UAP1: variants seen among roughly 807,000 people sequenced by gnomAD.
UAP1 encodes the protein UDP-N-acetylhexosamine pyrophosphorylase.
In UAP1, 25 loss-of-function variants were observed where a neutral mutation model predicts 58.5. That is an observed-to-expected ratio of 0.43 (90% CI 0.31 to 0.60). The LOEUF (loss-of-function observed/expected upper bound fraction) is 0.60, where lower values mean the gene tolerates loss of function less well. UAP1 is among the 20% of genes least tolerant of loss of function. UAP1 has a pLI of 0.11. For synonymous variants in UAP1, 208 were observed against 213.0 expected (o/e 0.98, Z 0.21); for missense variants, 575 against 630.0 (o/e 0.91, Z 0.93).
intron 3 of UAP1, 72 bp downstream of exon 3, chr1:162,577,053 T>G: frequency 7.2e-7 from 1 of 1,383,260 alleles, no homozygotes; most frequent in East Asian, 2.4e-5. Context: ...GCATATATAC[T>G]TTATGCACTC....
chr1:162,563,220 A>T (rs994742259), intron 1 of UAP1, among the ~76,000 whole-genome samples: 1 of 152,218 alleles, frequency 6.6e-6, no homozygotes, highest in African/African-American at 2.4e-5. Context: ...ATCTGCCTCA[A>T]ATAAATATAA....
At chr1:162,576,235 G>A (rs1280955015) in intron 2 of UAP1, among the ~76,000 whole-genome samples, 2 of 152,046 alleles carry the variant, frequency 1.3e-5, no homozygotes, top group African/African-American at 4.8e-5. Context: ...ATTTATTATA[G>A]GCTGGAGGTA....
chr1:162,585,086 A>G (rs1654821451), intron 5 of UAP1, among the ~76,000 whole-genome samples: 1 of 151,146 alleles, frequency 6.6e-6, no homozygotes, highest in Admixed American at 6.6e-5. Context: ...TGGCTAATTT[A>G]CCATGTTGGC....
intron 6 of UAP1, 81 bp from the exon 7 acceptor site, chr1:162,588,612 C>A: frequency 6.9e-7 from 1 of 1,457,354 alleles, no homozygotes. Flanking sequence ...GTTGTTGACA[C>A]ATTTGCTCCT....
intron 2 of UAP1, among the ~76,000 whole-genome samples, chr1:162,574,840 A>C (rs2101760879): frequency 6.6e-6 from 1 of 151,710 alleles, no homozygotes; most frequent in African/African-American, 2.4e-5. Context: ...TGTAGCTTTT[A>C]TAGTTACATT....
chr1:162,599,524 A>G, exon 11 of UAP1: 2 of 462,398 alleles, frequency 4.3e-6, no homozygotes, highest in African/African-American at 2.0e-5. Flanking sequence ...CCCAAGATCC[A>G]GATGACTGAA....
intron 2 of UAP1, among the ~76,000 whole-genome samples, chr1:162,570,436 A>T (rs563656683): frequency 2.6e-5 from 4 of 152,206 alleles, no homozygotes; most frequent in Admixed American, 6.5e-5. Flanking sequence ...AAATTATGAA[A>T]GTTTTGCTCC....
intron 5 of UAP1, among the ~76,000 whole-genome samples, chr1:162,581,921 TAAAG>T (rs1654614798): frequency 6.6e-6 from 1 of 152,158 alleles, no homozygotes; most frequent in African/African-American, 2.4e-5. Flanking sequence ...TAAGGACAAT[TAAAG>T]AGGTGAATAA....
intron 5 of UAP1, among the ~76,000 whole-genome samples, chr1:162,584,039 A>G (rs761682442): frequency 8.5e-5 from 13 of 152,354 alleles, no homozygotes; most frequent in Non-Finnish European, 1.3e-4. Flanking sequence ...GTCTTATATT[A>G]TATTACATTA....
At chr1:162,595,887 T>C (rs775564228) in intron 9 of UAP1, among the ~76,000 whole-genome samples, 2 of 152,234 alleles carry the variant, frequency 1.3e-5, no homozygotes, top group Admixed American at 6.5e-5. Context: ...TGTCTTGCTC[T>C]GTTGCCCAGG....
At chr1:162,589,320 A>G (rs1052714027) in intron 7 of UAP1, among the ~76,000 whole-genome samples, 1 of 137,670 alleles carries the variant, frequency 7.3e-6, no homozygotes, top group East Asian at 2.0e-4. Context: ...AAATAAATAT[A>G]TATTTATTTA....
intron 5 of UAP1, among the ~76,000 whole-genome samples, chr1:162,583,012 A>T (rs912025942): frequency 6.6e-6 from 1 of 150,624 alleles, no homozygotes; most frequent in Admixed American, 6.6e-5. Flanking sequence ...CAGACTCACT[A>T]TGTCATCTAG....
chr1:162,600,945 C>G (rs563278717), downstream of UAP1, among the ~76,000 whole-genome samples: 6 of 152,220 alleles, frequency 3.9e-5, no homozygotes, highest in Middle Eastern at 3.4e-3. Flanking sequence ...GCTATTTCCT[C>G]TGCTATTTCC....
chr1:162,591,461 CT>C (rs1655304951), intron 8 of UAP1, among the ~76,000 whole-genome samples: 1 of 152,106 alleles, frequency 6.6e-6, no homozygotes, highest in African/African-American at 2.4e-5. Context: ...AGATAAAGTA[CT>C]TTTCAGCTAA....
chr1:162,587,597 A>G (rs1290372919), exon 6 of UAP1: 1 of 1,614,166 alleles, frequency 6.2e-7, no homozygotes, highest in Non-Finnish European at 8.5e-7. Context: ...GCTCAGACGG[A>G]CGACTGCTGT....
chr1:162,576,847 CG>C lies in UAP1; in HGVS notation c.352del (p.Val118LeufsTer27), dbSNP rs1654215564. On this transcript the variant is annotated frameshift_variant, in exon 3 of 11. Coordinates refer to ENST00000271469, the Ensembl canonical transcript of UAP1. LOFTEE classifies it high-confidence loss of function. ...CTGGTGGGCAGGGGACAAGACTCGGCGTTGCATATCCTAAGGGGATGTATGA... is the reference window on the plus strand; with the variant it reads ...CTGGTGGGCAGGGGACAAGACTCGGCTTGCATATCCTAAGGGGATGTATGA... The C allele has an allele frequency of 6.2e-7, 1 of 1,613,978 alleles. No individual in the cohort carries two copies. The highest frequency in any genetic ancestry group is 2.2e-5 in the East Asian group (1 of 44,886).
exon 5 of UAP1, chr1:162,581,335 A>G (rs1654572652): frequency 6.2e-7 from 1 of 1,613,716 alleles, no homozygotes; most frequent in Non-Finnish European, 8.5e-7. Context: ...AATATTGTGG[A>G]GGATATGGAG....
At chr1:162,566,431 A>G in intron 2 of UAP1, 83 bp downstream of exon 2, 1 of 1,388,612 alleles carries the variant, frequency 7.2e-7, no homozygotes, top group Non-Finnish European at 9.7e-7. Context: ...TGTCACTAAT[A>G]TTTTGATTCA....
At chr1:162,588,481 G>T (rs1237467394) in intron 6 of UAP1, among the ~76,000 whole-genome samples, 2 of 152,078 alleles carry the variant, frequency 1.3e-5, no homozygotes, top group South Asian at 2.1e-4. Context: ...CACAGTTTTA[G>T]TGGAGACTGT....
Sources: gnomAD v4.1 joint callset for allele counts (sites outside exome capture counted in the v4.1 genomes callset) on GRCh38, gnomAD v4.1.1 for gene constraint, MANE v1.5 for transcripts, NCBI Gene and HGNC (gene_info 2026-07-23, HGNC 2026-07-21) for gene names.